NOX3: variants seen among roughly 807,000 people sequenced by gnomAD.
The protein encoded by NOX3 is NADPH oxidase 3.
NOX3 carries 74 observed loss-of-function variants against 76.7 expected under a neutral mutation model. The observed-to-expected ratio is 0.96, with a 90% CI of 0.80 to 1.17. The LOEUF (loss-of-function observed/expected upper bound fraction) is 1.17, where lower values mean the gene tolerates loss of function less well. NOX3 is among the 50% of genes most tolerant of loss of function. NOX3 has a pLI of 0.00. For synonymous variants in NOX3, 263 were observed against 261.1 expected, an observed-to-expected ratio of 1.01 and a Z score of -0.07; for missense variants, 695 against 703.3, an observed-to-expected ratio of 0.99 and a Z score of 0.13.
intron 9 of NOX3, among the ~76,000 whole-genome samples, chr6:155,428,572 A>G (rs1235787995): frequency 1.4e-5 from 2 of 147,810 alleles, no homozygotes; most frequent in Non-Finnish European, 3.0e-5. Flanking sequence ...TTGGCTGAAC[A>G]TTAGTCTTTT....
chr6:155,407,137 G>T lies in NOX3; in HGVS notation c.1573C>A (p.His525Asn), dbSNP rs1258981294. ...AGCAAGAGCTTGCCTTACCTGGGGT[G>T]ATTGTAGGCAATCTGCTTGAACTCA... ...NNEFKQIAYNHPSSSIGVFFC... is the reference protein window; with the variant it reads ...NNEFKQIAYNNPSSSIGVFFC... The change falls in exon 12 of 14, where the codon CAC (histidine) becomes AAC (asparagine). Residue 525 changes from histidine (H) to asparagine (N), a missense_variant. By Grantham distance (68) the His-to-Asn change is moderately conservative. Transcript: ENST00000159060. The T allele has an allele frequency of 1.9e-6, 3 of 1,613,898 alleles. No individual in the cohort carries two copies. The highest frequency in any genetic ancestry group is 2.5e-6 in the Non-Finnish European group (3 of 1,179,944).
In NOX3 at chr6:155,412,056, C is replaced by G. The variant is rs1469096033; in HGVS notation, c.1309-696G>C. Among the ~76,000 whole-genome samples the G allele has an allele frequency of 4.6e-5, 7 of 152,176 alleles. No individual in the cohort carries two copies. In the South Asian group the frequency reaches 6.2e-4, roughly 14 times the overall value. Reference sequence around the variant, plus strand: ...CTAAAATAAAAGCTTAGTTTTTGTGCTGCGAGTTTCAAATAATTGCATCTA... The same window carrying G: ...CTAAAATAAAAGCTTAGTTTTTGTGGTGCGAGTTTCAAATAATTGCATCTA... On this transcript the variant is annotated intron_variant, in intron 10 of 13. Coordinates refer to ENST00000159060, the MANE Select transcript of NOX3 (RefSeq NM_015718.3).
At chr6:155,432,508 T>G (rs976245783) in intron 7 of NOX3, among the ~76,000 whole-genome samples, 8 of 152,216 alleles carry the variant, frequency 5.3e-5, no homozygotes, top group African/African-American at 1.7e-4. Flanking sequence ...ACCAGTCATC[T>G]GGCTCTGTCT....
chr6:155,418,552 C>T (rs957256613), intron 10 of NOX3, among the ~76,000 whole-genome samples: 1 of 152,116 alleles, frequency 6.6e-6, no homozygotes, highest in Admixed American at 6.6e-5. Flanking sequence ...TGGGAAATCC[C>T]CTCCTGCCCA....
At chr6:155,407,050 A>G in intron 12 of NOX3, 80 bp downstream of exon 12, 1 of 1,488,636 alleles carries the variant, frequency 6.7e-7, no homozygotes, top group Non-Finnish European at 9.4e-7. Context: ...ACGGTACTGC[A>G]GATTAACTTT....
rs1306187881 is a variant in NOX3, at chr6:155,411,317, C to T, written c.1352G>A (p.Trp451Ter). Residue 451 changes from tryptophan (W) to a stop codon, truncating the protein, a stop_gained, in exon 11 of 14, where the codon TGG becomes TAG. Transcript: ENST00000159060. LOFTEE classifies it high-confidence loss of function. ...CAGGGAGAGTAAGAGATCAGCAAACCACTCAAAAGCTCTTGCATCCCGGCA... is the reference window on the plus strand; with the variant it reads ...CAGGGAGAGTAAGAGATCAGCAAACTACTCAAAAGCTCTTGCATCCCGGCA... ...WICRDARAFE[W>*]FADLLLSLET... 6.2e-7 allele frequency: 1 copy of T among 1,613,934 alleles called. No individual in the cohort carries two copies. The highest frequency in any genetic ancestry group is 8.5e-7 in the Non-Finnish European group (1 of 1,179,888).
intron 10 of NOX3, among the ~76,000 whole-genome samples, chr6:155,420,445 A>G (rs1403253280): frequency 6.6e-6 from 1 of 152,184 alleles, no homozygotes; most frequent in Non-Finnish European, 1.5e-5. Context: ...AAAACAAAGC[A>G]TTGCTGTGAG....
At chr6:155,412,755 C>T (rs915871598) in intron 10 of NOX3, among the ~76,000 whole-genome samples, 1 of 152,168 alleles carries the variant, frequency 6.6e-6, no homozygotes, top group Non-Finnish European at 1.5e-5. Context: ...TCACGTTCAT[C>T]CATCCGTTCA....
intron 9 of NOX3, among the ~76,000 whole-genome samples, chr6:155,426,373 A>G (rs182996490): frequency 5.3e-4 from 81 of 152,302 alleles, no homozygotes; most frequent in Non-Finnish European, 9.6e-4. Flanking sequence ...TAGTGTGGAG[A>G]GATAGACAGT....
intron 9 of NOX3, among the ~76,000 whole-genome samples, chr6:155,428,470 C>T (rs1171908262): frequency 6.6e-6 from 1 of 152,128 alleles, no homozygotes; most frequent in Non-Finnish European, 1.5e-5. Flanking sequence ...AAAAAATGCC[C>T]AGAGTTGTCT....
intron 5 of NOX3, among the ~76,000 whole-genome samples, chr6:155,442,214 T>G (rs540541732): frequency 2.0e-5 from 3 of 152,008 alleles, no homozygotes; most frequent in Non-Finnish European, 4.4e-5. Context: ...CAGTGAGCCG[T>G]GATCGCACCA....
At chr6:155,442,534 G>T (rs1777007293) in intron 5 of NOX3, among the ~76,000 whole-genome samples, 1 of 152,194 alleles carries the variant, frequency 6.6e-6, no homozygotes, top group Non-Finnish European at 1.5e-5. Context: ...GATATTTTTA[G>T]TCTGGTCAAC....
At chr6:155,408,751 A>G in intron 11 of NOX3, among the ~76,000 whole-genome samples, 1 of 152,252 alleles carries the variant, frequency 6.6e-6, no homozygotes, top group South Asian at 2.1e-4. Flanking sequence ...TTATATACAT[A>G]CTGTGGAATA....
chr6:155,397,134 C>T (rs1470537208), intron 12 of NOX3, among the ~76,000 whole-genome samples, 172 bp from the exon 13 acceptor site: 2 of 152,058 alleles, frequency 1.3e-5, no homozygotes, highest in African/African-American at 4.8e-5. Flanking sequence ...GCACCATGCT[C>T]TCTCCTAGGT....
rs201181049 is a variant in NOX3 at position 155,428,941 on chromosome 6, A to C, written c.998T>G (p.Leu333Arg). ...ILVQCPAISS[L>R]EWHPFTLTSA... The stretch of plus-strand genomic sequence containing the variant: ...GGTAAGGGTGAAGGGGTGCCACTCC[A>C]GCGAAGATATGGCTGGGCACTGCAC... Residue 333 changes from leucine to arginine, a missense_variant, in exon 9 of 14, where the codon CTG becomes CGG. Transcript: ENST00000159060. 388 of 1,614,046 alleles carry C rather than the reference A, an allele frequency of 2.4e-4. No homozygotes were observed. In the East Asian group the frequency reaches 8.4e-3, roughly 35 times the overall value.
chr6:155,406,064 G>T (rs964418473), intron 12 of NOX3, among the ~76,000 whole-genome samples: 10 of 152,156 alleles, frequency 6.6e-5, no homozygotes, highest in Non-Finnish European at 2.9e-5. Flanking sequence ...TGCTCCAGTT[G>T]CCCACATGGC....
chr6:155,404,110 A>AATAT (rs762930879), intron 12 of NOX3, among the ~76,000 whole-genome samples: 69 of 131,258 alleles, frequency 5.3e-4, no homozygotes, highest in African/African-American at 2.1e-3. Context: ...TTTATCAGTG[A>AATAT]ATATATATAT....
chr6:155,452,322 G>A (rs1252260296), intron 4 of NOX3, among the ~76,000 whole-genome samples: 1 of 152,126 alleles, frequency 6.6e-6, no homozygotes, highest in African/African-American at 2.4e-5. Flanking sequence ...GGTTATTGGT[G>A]CCTACGCATA....
chr6:155,452,387 C>A (rs747896883), intron 4 of NOX3, among the ~76,000 whole-genome samples: 6 of 152,162 alleles, frequency 3.9e-5, no homozygotes, highest in Non-Finnish European at 8.8e-5. Context: ...TATTTCCTCC[C>A]CTTTATCTCT....
Sources: allele counts gnomAD v4.1 joint callset (sites outside exome capture counted in the v4.1 genomes callset), GRCh38; gene constraint gnomAD v4.1.1; transcripts MANE v1.5; gene names NCBI Gene and HGNC (gene_info 2026-07-23, HGNC 2026-07-21).